ADAMTS2: variants seen among roughly 807,000 people sequenced by gnomAD.
The protein encoded by ADAMTS2 is A disintegrin and metalloproteinase with thrombospondin motifs 2.
ADAMTS2 carries 50 observed loss-of-function variants against 123.0 expected under a neutral mutation model. The observed-to-expected ratio is 0.41, with a 90% CI of 0.32 to 0.51. ADAMTS2 has a LOEUF of 0.51. ADAMTS2 is among the 20% of genes least tolerant of loss of function. The probability of loss-of-function intolerance (pLI) is 0.35; values close to 1 mark genes in which losing one functional copy is unlikely to be tolerated. For missense variants in ADAMTS2, 1,494 were observed against 1,705.2 expected (o/e 0.88, Z 2.18); for synonymous variants, 678 against 695.4 (o/e 0.98, Z 0.39).
rs146694900 is a variant in ADAMTS2 at position 179,314,534 on chromosome 5, G to C, written c.534+29233C>G. Among the ~76,000 whole-genome samples, 300 of 152,172 alleles carry C rather than the reference G, an allele frequency of 2.0e-3. No individual in the cohort carries two copies. Among genetic ancestry groups the C allele is most frequent in the Non-Finnish European group, 3.2e-3 (218 of 67,978 alleles). On this transcript the variant is annotated intron_variant, in intron 2 of 21. Transcript: ENST00000251582. The surrounding 1 kb of genome is among the most constrained non-coding windows in gnomAD (Gnocchi z 4.5). The stretch of plus-strand genomic sequence containing the variant: ...AGGAAGCAGCCCTCCCACCCACAGC[G>C]CTCCTGCCTCTGCAGCCCCCCGGGC...
Position 179,307,202 on chromosome 5 carries a change from C to A in ADAMTS2, c.535-34138G>T, listed in dbSNP as rs1172519745. 6.6e-6 allele frequency among the ~76,000 whole-genome samples: 1 copy of A among 152,130 alleles called. No individual in the cohort carries two copies. Among genetic ancestry groups the A allele is most frequent in the Non-Finnish European group, 1.5e-5 (1 of 68,012 alleles). ...CTGCAGAGCTGCCCCGGCCCACGCGCCCCTGCCCTGCTGTGCTCCGCCATC... is the reference window on the plus strand; with the variant it reads ...CTGCAGAGCTGCCCCGGCCCACGCGACCCTGCCCTGCTGTGCTCCGCCATC... On this transcript the variant is annotated intron_variant, in intron 2 of 21. Transcript: ENST00000251582. The surrounding 1 kb of genome is among the most constrained non-coding windows in gnomAD (Gnocchi z 5.6).
chr5:179,241,979 T>A (rs930088996), intron 3 of ADAMTS2, among the ~76,000 whole-genome samples: 3 of 152,144 alleles, frequency 2.0e-5, no homozygotes, highest in African/African-American at 7.2e-5. Flanking sequence ...CCCCAGTGGC[T>A]GTGGTGGGGG....
chr5:179,211,561 A>C (rs760548883), intron 3 of ADAMTS2, among the ~76,000 whole-genome samples: 1 of 152,214 alleles, frequency 6.6e-6, no homozygotes, highest in African/African-American at 2.4e-5. Context: ...TGGCCAAATA[A>C]TGACACTGTG....
chr5:179,125,089 C>G lies in ADAMTS2; in HGVS notation c.2842G>C (p.Asp948His). 2 of 1,588,870 alleles carry G rather than the reference C, an allele frequency of 1.3e-6. No homozygotes were observed. The highest frequency in any genetic ancestry group is 1.7e-6 in the Non-Finnish European group (2 of 1,170,986). Residue 948 changes from aspartate (D) to histidine (H), a missense_variant, in exon 19 of 22, where the codon GAC becomes CAC. Physicochemically the swap from Asp to His is moderately conservative, Grantham distance 81. Transcript: ENST00000251582. ...GCGTGCACGGAGCGGGTGGTGTTGT[C>G]GTGTAGCGGCTGAATGCAGCGCACG... is the stretch of plus-strand genomic sequence containing the variant. Reference protein sequence around the residue: ...RSVRCIQPLHDNTTRSVHAKH... With the variant: ...RSVRCIQPLHHNTTRSVHAKH...
intron 3 of ADAMTS2, among the ~76,000 whole-genome samples, chr5:179,247,453 A>G (rs1180404281): frequency 6.6e-6 from 1 of 152,214 alleles, no homozygotes; most frequent in Non-Finnish European, 1.5e-5. Context: ...AGGGGCATAA[A>G]GAATGTTTGA....
intron 20 of ADAMTS2, among the ~76,000 whole-genome samples, chr5:179,122,331 C>T (rs972210331): frequency 6.6e-6 from 1 of 151,254 alleles, no homozygotes; most frequent in Non-Finnish European, 1.5e-5. Flanking sequence ...CTCGCACAGG[C>T]GTCCCCCTAT....
In ADAMTS2 at chr5:179,136,001, C is replaced by T. The variant is rs35372714; in HGVS notation, c.1993G>A (p.Gly665Arg). The change falls in exon 13 of 22, where the codon GGG (glycine) becomes AGG (arginine). Residue 665 changes from glycine to arginine, a missense_variant. Physicochemically the swap from Gly to Arg is moderately radical, Grantham distance 125 (BLOSUM62 -2). Transcript: ENST00000251582. ...CHLYCESRETGEVVSMKRMVH... is the reference protein window; with the variant it reads ...CHLYCESRETREVVSMKRMVH... The stretch of plus-strand genomic sequence containing the variant: ...ATGCGCTTCATGGACACCACCTCCC[C>T]GGTCTCCCTGGACTCGCAGTACAGG... 0.013 allele frequency: 21,074 copies of T among 1,613,422 alleles called. 187 individuals are homozygous for T. The highest frequency in any genetic ancestry group is 0.016 in the Non-Finnish European group (19,051 of 1,180,016).
intron 3 of ADAMTS2, among the ~76,000 whole-genome samples, chr5:179,224,824 A>G (rs185604013): frequency 4.1e-5 from 6 of 146,818 alleles, no homozygotes; most frequent in African/African-American, 1.4e-4. Flanking sequence ...CTGCCACCTC[A>G]GCTCCACGCC....
At chr5:179,325,905 C>G (rs1252047631) in intron 2 of ADAMTS2, among the ~76,000 whole-genome samples, 1 of 152,216 alleles carries the variant, frequency 6.6e-6, no homozygotes. Flanking sequence ...GATGGGAGGA[C>G]AGGAGCGAGG....
At chr5:179,299,459 G>A (rs771097271) in intron 2 of ADAMTS2, among the ~76,000 whole-genome samples, 1 of 141,232 alleles carries the variant, frequency 7.1e-6, no homozygotes, top group Non-Finnish European at 1.5e-5. Context: ...AACCCAGGAG[G>A]CGGAGCTTGC....
intron 5 of ADAMTS2, among the ~76,000 whole-genome samples, chr5:179,161,199 C>T (rs553861692): frequency 3.3e-5 from 5 of 152,302 alleles, no homozygotes; most frequent in Non-Finnish European, 7.3e-5. Context: ...AGGTAGTATC[C>T]GCCTCTGGGT....
chr5:179,271,290 G>C (rs1450372517), intron 3 of ADAMTS2, among the ~76,000 whole-genome samples: 3 of 152,182 alleles, frequency 2.0e-5, no homozygotes, highest in Non-Finnish European at 2.9e-5. Context: ...TGGGATCAGA[G>C]ACATGGCCAA....
chr5:179,327,642 T>C (rs1021340317), intron 2 of ADAMTS2, among the ~76,000 whole-genome samples: 1 of 152,140 alleles, frequency 6.6e-6, no homozygotes, highest in African/African-American at 2.4e-5. Context: ...AGGAAAGCCG[T>C]GCCACCGTGG....
At position 179,270,029 on chromosome 5, in the gene ADAMTS2, C is replaced by T. The variant is rs1766485750; in HGVS notation, c.688+2882G>A. Among the ~76,000 whole-genome samples the T allele has an allele frequency of 2.0e-5, 3 of 152,172 alleles. No homozygotes were observed. In the South Asian group the frequency reaches 6.2e-4, roughly 32 times the overall value. ...CCTCACCCCTTGCCCCTCCTAATAA[C>T]ATCCTCTCCCGGGTGTTGCCTAAGC... is the stretch of plus-strand genomic sequence containing the variant. On this transcript the variant is annotated intron_variant, in intron 3 of 21. Transcript: ENST00000251582.
chr5:179,189,510 GTTTTTTTTT>G lies in ADAMTS2; in HGVS notation c.892-8364_892-8356del, dbSNP rs146295427. 1.3e-5 allele frequency among the ~76,000 whole-genome samples: 1 copy of G among 78,948 alleles called. No individual in the cohort carries two copies. Among genetic ancestry groups the G allele is most frequent in the African/African-American group, 4.5e-5 (1 of 22,366 alleles). The allele number at this position is 78,948 out of a possible 152,430, so 51.8% of individuals were successfully genotyped here. ...CTACAGGCGCCCGCCAGTGCGCCTG[GTTTTTTTTT>G]TTTTTTTTTTTTTTTTTTTAGTAGA... On this transcript the variant is annotated intron_variant, in intron 4 of 21. Transcript: ENST00000251582. The surrounding 1 kb of genome is among the most constrained non-coding windows in gnomAD (Gnocchi z 4.2).
chr5:179,317,326 G>A lies in ADAMTS2; in HGVS notation c.534+26441C>T, dbSNP rs537978230. Among the ~76,000 whole-genome samples, 20 of 152,262 alleles carry A rather than the reference G, an allele frequency of 1.3e-4. No individual in the cohort carries two copies. The highest frequency in any genetic ancestry group is 4.8e-4 in the African/African-American group (20 of 41,558). On this transcript the variant is annotated intron_variant, in intron 2 of 21. Coordinates refer to ENST00000251582, the MANE Select transcript of ADAMTS2 (RefSeq NM_014244.5). This position sits in a 1 kb window ranked among gnomAD's most constrained non-coding sequence, Gnocchi z 4.9. ...ACTCAGCTAGCAGAGTCGCTGATAT[G>A]GTAACACAATATCACACATCTCATC...
intron 3 of ADAMTS2, among the ~76,000 whole-genome samples, chr5:179,208,298 G>C (rs1019285712): frequency 3.9e-5 from 6 of 152,174 alleles, no homozygotes; most frequent in African/African-American, 1.4e-4. Flanking sequence ...ATGTTCCCCA[G>C]TGTCTCCTTG....
rs3776807 is a variant in ADAMTS2, at chr5:179,115,681, A to G, written c.3179-1357T>C. Among the ~76,000 whole-genome samples the G allele has an allele frequency of 0.28, 41,914 of 150,508 alleles. 6,108 individuals are homozygous for G. Among genetic ancestry groups the G allele is most frequent in the South Asian group, 0.37 (1,758 of 4,718 alleles). ...GGAAAGGGAGGGAGGGACAAAAGGA[A>G]GAAAGGGAGGAGGAAAGGGAGGGAG... On this transcript the variant is annotated intron_variant, in intron 21 of 21. Transcript: ENST00000251582. The surrounding 1 kb of genome is among the most constrained non-coding windows in gnomAD (Gnocchi z 4.4).
chr5:179,312,932 C>G lies in ADAMTS2; in HGVS notation c.534+30835G>C, dbSNP rs1407660090. On this transcript the variant is annotated intron_variant, in intron 2 of 21. Coordinates refer to ENST00000251582, the MANE Select transcript of ADAMTS2 (RefSeq NM_014244.5). This position sits in a 1 kb window ranked among gnomAD's most constrained non-coding sequence, Gnocchi z 4.2. The stretch of plus-strand genomic sequence containing the variant: ...TTGCAGGCAGCCTCAGAAACCAATA[C>G]AATGGGGAACTCTGATATGGACTAA... 6.6e-6 allele frequency among the ~76,000 whole-genome samples: 1 copy of G among 152,214 alleles called. No individual in the cohort carries two copies. Among genetic ancestry groups the G allele is most frequent in the Non-Finnish European group, 1.5e-5 (1 of 68,046 alleles).
Sources: gnomAD v4.1 joint callset for allele counts (sites outside exome capture counted in the v4.1 genomes callset) on GRCh38, gnomAD v4.1.1 for gene constraint, Gnocchi (gnomAD v3.1) non-coding constraint, MANE v1.5 for transcripts, NCBI Gene and HGNC (gene_info 2026-07-23, HGNC 2026-07-21) for gene names.